Variants in RBFOX1 observed in about 807,000 individuals in gnomAD.
The protein encoded by RBFOX1 is RNA binding fox-1 homolog 1.
A neutral mutation model predicts 57.7 loss-of-function variants in RBFOX1; 8 were observed. That is an observed-to-expected ratio of 0.14 (90% CI 0.08 to 0.25). RBFOX1 has a LOEUF of 0.25. Among genes scored for constraint, RBFOX1 ranks in the 10% least tolerant of loss-of-function variants. The pLI, the probability that RBFOX1 is intolerant of heterozygous loss-of-function variation, is 1.00. For synonymous variants in RBFOX1, 326 were observed against 222.4 expected (o/e 1.47, Z -4.15); for missense variants, 611 against 548.5 (o/e 1.11, Z -1.14).
intron 1 of RBFOX1, among the ~76,000 whole-genome samples, chr16:6,148,522 C>T (rs1287837004): frequency 6.6e-6 from 1 of 152,120 alleles, no homozygotes; most frequent in Non-Finnish European, 1.5e-5. Context: ...TTGAATCTCA[C>T]CACCCTCAAG....
chr16:5,935,953 A>G (rs1413914695), intron 4 of RBFOX1, among the ~76,000 whole-genome samples: 1 of 152,136 alleles, frequency 6.6e-6, no homozygotes, highest in Non-Finnish European at 1.5e-5. Context: ...GGAGGCCCTC[A>G]GGGCCTTCGT....
intron 1 of RBFOX1, among the ~76,000 whole-genome samples, chr16:6,119,788 C>T (rs1200256891): frequency 6.6e-6 from 1 of 152,204 alleles, no homozygotes; most frequent in Non-Finnish European, 1.5e-5. Flanking sequence ...GCACAAGTCT[C>T]CATGTCTGGC....
At chr16:6,424,010 C>A (rs1482277453) in intron 2 of RBFOX1, among the ~76,000 whole-genome samples, 1 of 152,068 alleles carries the variant, frequency 6.6e-6, no homozygotes, top group Non-Finnish European at 1.5e-5. Context: ...GAGGCCGAGG[C>A]AGGTGGATCA....
chr16:7,177,646 A>G (rs2081946358), intron 4 of RBFOX1, among the ~76,000 whole-genome samples: 1 of 152,110 alleles, frequency 6.6e-6, no homozygotes, highest in Non-Finnish European at 1.5e-5. Flanking sequence ...ATTATTAACT[A>G]GATTGAACCA....
intron 4 of RBFOX1, among the ~76,000 whole-genome samples, chr16:7,142,270 C>T (rs1282397312): frequency 2.6e-5 from 4 of 152,080 alleles, no homozygotes; most frequent in Non-Finnish European, 4.4e-5. Flanking sequence ...GCAATCTTCC[C>T]ACCTCAGCCT....
chr16:6,165,766 A>G (rs2096912613), intron 1 of RBFOX1, among the ~76,000 whole-genome samples: 1 of 152,160 alleles, frequency 6.6e-6, no homozygotes. Flanking sequence ...CTCCTTCAGG[A>G]GTTAACAATT....
In RBFOX1 at chr16:5,634,911, G is replaced by A. The variant is rs1046681615; in HGVS notation, c.318+35950G>A. Among the ~76,000 whole-genome samples, 6 of 152,258 alleles carry A rather than the reference G, an allele frequency of 3.9e-5. 1 individual carries two copies. In the Middle Eastern group the frequency reaches 0.014, roughly 345 times the overall value. On this transcript the variant is annotated intron_variant, in intron 3 of 19. Coordinates refer to the RBFOX1 transcript ENST00000641259. ...AGTGTTTATATGTCTATTCCAGGAC[G>A]GATTCTGATTGGCTCTCCTTAGATC... is the stretch of plus-strand genomic sequence containing the variant.
intron 4 of RBFOX1, among the ~76,000 whole-genome samples, chr16:7,457,817 T>C (rs2058817266): frequency 6.6e-6 from 1 of 150,582 alleles, no homozygotes; most frequent in Non-Finnish European, 1.5e-5. Context: ...CAAAGTTGTC[T>C]TAAAAAAAAA....
chr16:5,619,377 C>G (rs1430333389), intron 3 of RBFOX1, among the ~76,000 whole-genome samples: 1 of 152,106 alleles, frequency 6.6e-6, no homozygotes, highest in Non-Finnish European at 1.5e-5. Context: ...GATTAACAGG[C>G]TCTGCAGGGA....
At chr16:6,314,642 T>C (rs552053151) in intron 1 of RBFOX1, among the ~76,000 whole-genome samples, 1 of 149,750 alleles carries the variant, frequency 6.7e-6, no homozygotes, top group South Asian at 2.2e-4. Flanking sequence ...TGTTCGGAGA[T>C]GGAGGAAGTG....
chr16:6,222,713 T>C (rs1052844265), intron 1 of RBFOX1, among the ~76,000 whole-genome samples: 5 of 148,892 alleles, frequency 3.4e-5, no homozygotes, highest in African/African-American at 9.8e-5. Context: ...TTATTATTAT[T>C]ATTATGCTTT....
chr16:7,309,743 G>A (rs2096268624), intron 4 of RBFOX1, among the ~76,000 whole-genome samples: 1 of 152,146 alleles, frequency 6.6e-6, no homozygotes, highest in Non-Finnish European at 1.5e-5. Context: ...TAATAGTCCT[G>A]TGGAAGGGAA....
chr16:5,670,453 C>T (rs558959766), intron 3 of RBFOX1, among the ~76,000 whole-genome samples: 27 of 152,150 alleles, frequency 1.8e-4, no homozygotes, highest in Non-Finnish European at 3.7e-4. Context: ...AAAACCAACA[C>T]CAATGTAAGT....
intron 3 of RBFOX1, among the ~76,000 whole-genome samples, chr16:5,833,663 C>T (rs1489228298): frequency 2.0e-5 from 3 of 151,948 alleles, no homozygotes; most frequent in Admixed American, 1.3e-4. Context: ...ATTTGTGATC[C>T]GTAAATCAAG....
At position 5,908,638 on chromosome 16, in the gene RBFOX1, A is replaced by G. The variant is rs534422956; in HGVS notation, c.351+41303A>G. ...AAAGTGCAGAGATTTATTATTAATT[A>G]CTATATGATCCTCCCTACTAGGGCC... is the stretch of plus-strand genomic sequence containing the variant. On this transcript the variant is annotated intron_variant, in intron 4 of 19. Transcript: ENST00000641259. Among the ~76,000 whole-genome samples the G allele has an allele frequency of 9.9e-5, 15 of 152,062 alleles. No homozygotes were observed. The East Asian group carries it at 1.4e-3, about 14-fold the overall frequency.
intron 4 of RBFOX1, among the ~76,000 whole-genome samples, chr16:5,868,115 C>T (rs1032845512): frequency 6.6e-6 from 1 of 152,184 alleles, no homozygotes; most frequent in African/African-American, 2.4e-5. Flanking sequence ...AAGTCACCAG[C>T]AAGGTGACCA....
At chr16:6,965,984 G>C (rs1270937263) in intron 3 of RBFOX1, among the ~76,000 whole-genome samples, 2 of 152,134 alleles carry the variant, frequency 1.3e-5, no homozygotes, top group African/African-American at 2.4e-5. Flanking sequence ...CTTTGGAATG[G>C]GGAGTAAATG....
intron 10 of RBFOX1, among the ~76,000 whole-genome samples, chr16:7,611,325 C>A (rs1232178961): frequency 6.6e-6 from 1 of 152,102 alleles, no homozygotes; most frequent in African/African-American, 2.4e-5. Flanking sequence ...GTGGCTCACG[C>A]CTTTAATCCC....
intron 4 of RBFOX1, among the ~76,000 whole-genome samples, chr16:7,084,678 C>A (rs11862276): frequency 1.3e-5 from 2 of 152,192 alleles, no homozygotes; most frequent in Non-Finnish European, 1.5e-5. Flanking sequence ...CTCCTGTGCT[C>A]ACTTGCCCTA....
Sources: gnomAD v4.1 joint callset for allele counts (sites outside exome capture counted in the v4.1 genomes callset) on GRCh38, gnomAD v4.1.1 for gene constraint, MANE v1.5 for transcripts, NCBI Gene and HGNC (gene_info 2026-07-23, HGNC 2026-07-21) for gene names.